MYCBPAP: variants seen among roughly 807,000 people sequenced by gnomAD.
MYCBPAP encodes MYCBP-associated protein.
MYCBPAP carries 60 observed loss-of-function variants against 106.1 expected under a neutral mutation model. The observed-to-expected ratio is 0.57, with a 90% CI of 0.46 to 0.70. The LOEUF (loss-of-function observed/expected upper bound fraction) is 0.70. Among genes scored for constraint, MYCBPAP ranks in the 30% least tolerant of loss-of-function variants. The pLI is 0.00. For missense variants in MYCBPAP, 1,064 were observed against 1,169.3 expected (o/e 0.91, Z 1.31); for synonymous variants, 407 against 440.6 (o/e 0.92, Z 0.95).
chr17:50,516,659 A>G lies in MYCBPAP; in HGVS notation c.166A>G (p.Ile56Val), dbSNP rs1243911098. The change falls in exon 2 of 19, where the codon ATT (isoleucine) becomes GTT (valine). Residue 56 changes from isoleucine (I) to valine (V), a missense_variant. Physicochemically the swap from Ile to Val is conservative, Grantham distance 29. Coordinates refer to ENST00000323776, the MANE Select transcript of MYCBPAP (RefSeq NM_032133.6). ...TAGCAATGTCCTACAAGGAGATGACATTCTTGCCTTGGCCATTAAGAAGGA... is the reference window on the plus strand; with the variant it reads ...TAGCAATGTCCTACAAGGAGATGACGTTCTTGCCTTGGCCATTAAGAAGGA... ...PVSNVLQGDD[I>V]LALAIKKEDL... The G allele has an allele frequency of 1.2e-6, 2 of 1,614,158 alleles. No individual in the cohort carries two copies.
intron 1 of MYCBPAP, among the ~76,000 whole-genome samples, chr17:50,513,240 A>AT (rs1567881433): frequency 2.7e-5 from 4 of 148,798 alleles, no homozygotes; most frequent in Non-Finnish European, 6.0e-5. Context: ...AAAAAAAAAA[A>AT]GCTGGGCATG....
chr17:50,522,130 C>A, intron 10 of MYCBPAP, 49 bp downstream of exon 10: 1 of 1,517,082 alleles, frequency 6.6e-7, no homozygotes, highest in Non-Finnish European at 9.1e-7. Context: ...CTCAGGGGTG[C>A]AGCCCTGAGG....
chr17:50,519,155 GT>G, intron 6 of MYCBPAP, 66 bp downstream of exon 6: 1 of 1,160,740 alleles, frequency 8.6e-7, no homozygotes, highest in Non-Finnish European at 1.3e-6. Context: ...GGGGGCAGGT[GT>G]CTGGACACAG....
intron 18 of MYCBPAP, chr17:50,529,694 C>T (rs893188256): frequency 2.2e-6 from 1 of 452,496 alleles, no homozygotes; most frequent in African/African-American, 2.0e-5. Context: ...GTGGCTCTGG[C>T]CGCCCTTTGG....
In MYCBPAP at chr17:50,530,119, A is replaced by C. The variant is rs140256498; in HGVS notation, c.2724+931A>C. ...ACATCACTAAGATATCAGATGGTTG[A>C]TGGGGTCTAGAAAGTAATTAAAGGG... On this transcript the variant is annotated intron_variant, in intron 18 of 18. Coordinates refer to ENST00000323776, the MANE Select transcript of MYCBPAP (RefSeq NM_032133.6). The C allele has an allele frequency of 1.3e-3, 457 of 360,806 alleles. 3 individuals carry two copies. Among genetic ancestry groups the C allele is most frequent in the African/African-American group, 9.1e-3 (427 of 47,034 alleles). The allele number at this position is 360,806 out of a possible 1,614,324, so 22.4% of individuals were successfully genotyped here.
At position 50,517,577 on chromosome 17, in the gene MYCBPAP, C is replaced by T; in HGVS notation, c.365-18C>T. ...TCCACCCACAGCTTCTTTCCCCTTTCTTCTTTTATCCTCCCAGGTCCCGGT... is the reference window on the plus strand; with the variant it reads ...TCCACCCACAGCTTCTTTCCCCTTTTTTCTTTTATCCTCCCAGGTCCCGGT... On this transcript the variant is annotated intron_variant, in intron 3 of 18. Transcript: ENST00000323776. The T allele has an allele frequency of 6.2e-7, 1 of 1,614,020 alleles. No homozygotes were observed. Among genetic ancestry groups the T allele is most frequent in the African/African-American group, 1.3e-5 (1 of 75,040 alleles).
upstream of MYCBPAP, chr17:50,508,333 C>T: frequency 1.5e-5 from 7 of 476,922 alleles, no homozygotes; most frequent in Non-Finnish European, 1.8e-5. Context: ...CCCTCGGCTC[C>T]CGCAACTCGC....
In MYCBPAP at chr17:50,528,714, C is replaced by T. The variant is rs1453317292; in HGVS notation, c.2427C>T (p.Ile809=). Reference sequence around the variant, plus strand: ...CCTTAGATCAAAAATCACCTCCTATCATGGAAGTGAAGGTACCTGTGGGGA... The same window carrying T: ...CCTTAGATCAAAAATCACCTCCTATTATGGAAGTGAAGGTACCTGTGGGGA... ...PEEQDQKSPP[I]MEVKVPVGKA... is the part of the protein sequence containing the mutation. Residue 809 remains isoleucine, a synonymous_variant, in exon 17 of 19, where the codon ATC becomes ATT. Coordinates refer to ENST00000323776, the MANE Select transcript of MYCBPAP (RefSeq NM_032133.6). 5 of 1,613,802 alleles carry T rather than the reference C, an allele frequency of 3.1e-6. No individual in the cohort carries two copies. The highest frequency in any genetic ancestry group is 4.2e-6 in the Non-Finnish European group (5 of 1,179,944).
At chr17:50,518,904 G>T (rs1443252040) in intron 5 of MYCBPAP, 70 bp from the exon 6 acceptor site, 4 of 1,494,618 alleles carry the variant, frequency 2.7e-6, no homozygotes, top group Non-Finnish European at 3.7e-6. Context: ...GAGGCTGCCC[G>T]ATGCAGACTG....
chr17:50,527,242 C>T, intron 14 of MYCBPAP, 45 bp from the exon 15 acceptor site: 1 of 1,610,884 alleles, frequency 6.2e-7, no homozygotes, highest in East Asian at 2.2e-5. Context: ...CTAGAGGACA[C>T]AGCCTTGGTG....
intron 1 of MYCBPAP, among the ~76,000 whole-genome samples, chr17:50,511,501 T>G (rs1020002166): frequency 3.3e-5 from 5 of 152,150 alleles, no homozygotes; most frequent in African/African-American, 1.2e-4. Flanking sequence ...GAATAATACT[T>G]AGATAAAACA....
At chr17:50,519,975 A>C in intron 7 of MYCBPAP, 188 bp downstream of exon 7, 1 of 601,426 alleles carries the variant, frequency 1.7e-6, no homozygotes. Flanking sequence ...CTTCAGTAAA[A>C]CGGTGAGAGA....
chr17:50,519,117 G>C (rs1261954486), intron 6 of MYCBPAP, 28 bp downstream of exon 6: 4 of 1,548,712 alleles, frequency 2.6e-6, no homozygotes, highest in African/African-American at 1.4e-5. Flanking sequence ...AAGTGCCCGG[G>C]GGCAGGGGGG....
At chr17:50,516,351 C>T (rs980211052) in intron 1 of MYCBPAP, among the ~76,000 whole-genome samples, 15 of 152,178 alleles carry the variant, frequency 9.9e-5, no homozygotes, top group Admixed American at 9.2e-4. Flanking sequence ...TGTGGTGAGC[C>T]AGGGGCTGTG....
At chr17:50,528,084 G>A (rs1467543605) in intron 15 of MYCBPAP, 71 bp from the exon 16 acceptor site, 6 of 1,321,118 alleles carry the variant, frequency 4.5e-6, no homozygotes, top group Middle Eastern at 2.3e-4. Flanking sequence ...TGAAGGGAGG[G>A]ACCCAAGCCT....
chr17:50,508,712 C>G lies in MYCBPAP; in HGVS notation c.38C>G (p.Thr13Ser). Residue 13 changes from threonine (T) to serine (S), a missense_variant, in exon 1 of 19, where the codon ACT (threonine) becomes AGT (serine). Thr to Ser is a moderately conservative substitution (Grantham distance 58). Transcript: ENST00000323776. ...SLKKDSRLRI[T>S]PTRLLEASEN... is the part of the protein sequence containing the mutation. ...AAGAAGGATTCCCGCCTCAGAATAACTCCGACCAGATTATTAGAGGCCTCA... is the reference window on the plus strand; with the variant it reads ...AAGAAGGATTCCCGCCTCAGAATAAGTCCGACCAGATTATTAGAGGCCTCA... 6.2e-7 allele frequency: 1 copy of G among 1,611,994 alleles called. No individual in the cohort carries two copies. The highest frequency in any genetic ancestry group is 8.5e-7 in the Non-Finnish European group (1 of 1,178,974).
Position 50,513,220 on chromosome 17 carries a change from A to C in MYCBPAP, c.77-3350A>C, listed in dbSNP as rs2033920682. On this transcript the variant is annotated intron_variant, in intron 1 of 18. Coordinates refer to ENST00000323776, the MANE Select transcript of MYCBPAP (RefSeq NM_032133.6). ...GCAACAAGAGTGAAACTCCATCTCA[A>C]AAAAAAAAAAAAAAAAAAAAGCTGG... Among the ~76,000 whole-genome samples, 4 of 143,880 alleles carry C rather than the reference A, an allele frequency of 2.8e-5. No individual in the cohort carries two copies. The South Asian group carries it at 6.6e-4, about 24-fold the overall frequency. 94.4% of individuals were successfully genotyped at this position (143,880 alleles called of 152,430 possible).
intron 1 of MYCBPAP, chr17:50,509,526 C>T (rs78134708): frequency 6.9e-6 from 1 of 144,086 alleles, no homozygotes. Context: ...TAATTTTTAG[C>T]TTTTTTTTTC....
In MYCBPAP at chr17:50,524,945, C is replaced by A. The variant is rs775659535; in HGVS notation, c.1704C>A (p.Val568=). The change falls in exon 13 of 19, where the codon GTC becomes GTA. Residue 568 remains valine, a synonymous_variant. Coordinates refer to ENST00000323776, the MANE Select transcript of MYCBPAP (RefSeq NM_032133.6). ...TGCTGCAGGAGCTGCTGATGGGGGT[C>A]TTGACCCCGGAGCGCACACCATCAC... ...REVLQELLMG[V]LTPERTPSPV... 2.5e-6 allele frequency: 4 copies of A among 1,614,044 alleles called. No homozygotes were observed. The highest frequency in any genetic ancestry group is 3.4e-6 in the Non-Finnish European group (4 of 1,180,026).
Sources: gnomAD v4.1 joint callset for allele counts (sites outside exome capture counted in the v4.1 genomes callset) on GRCh38, gnomAD v4.1.1 for gene constraint, MANE v1.5 for transcripts, NCBI Gene and HGNC (gene_info 2026-07-23, HGNC 2026-07-21) for gene names.